EDIL3: variants seen among roughly 807,000 people sequenced by gnomAD.
The protein encoded by EDIL3 is EGF like and discoidin domains 3, also known as EGF-like repeat and discoidin I-like domain-containing protein 3.
A neutral mutation model predicts 67.4 loss-of-function variants in EDIL3; 37 were observed. That is an observed-to-expected ratio of 0.55 (90% confidence interval 0.42 to 0.72). The LOEUF (loss-of-function observed/expected upper bound fraction) is 0.72. EDIL3 is among the 30% of genes least tolerant of loss of function. The probability of loss-of-function intolerance (pLI) is 0.00; values close to 1 mark genes in which losing one functional copy is unlikely to be tolerated. For missense variants in EDIL3, 527 were observed against 586.3 expected, an observed-to-expected ratio of 0.90 and a Z score of 1.04; for synonymous variants, 195 against 196.3, an observed-to-expected ratio of 0.99 and a Z score of 0.05.
At chr5:83,984,159 G>A (rs1745020277) in intron 9 of EDIL3, among the ~76,000 whole-genome samples, 1 of 152,014 alleles carries the variant, frequency 6.6e-6, no homozygotes, top group Non-Finnish European at 1.5e-5. Flanking sequence ...GGACCCAAGA[G>A]TGAAAAAAGT....
chr5:84,265,500 G>A (rs1745328474), intron 1 of EDIL3, among the ~76,000 whole-genome samples: 1 of 152,140 alleles, frequency 6.6e-6, no homozygotes, highest in Non-Finnish European at 1.5e-5. Flanking sequence ...TAAAAGTCAG[G>A]TTTAGATCTT....
intron 2 of EDIL3, among the ~76,000 whole-genome samples, chr5:84,238,873 A>G (rs1561231307): frequency 6.6e-6 from 1 of 152,118 alleles, no homozygotes. Flanking sequence ...AGGCAATGAA[A>G]ATTGAATAAA....
At chr5:84,114,148 GTTTT>G (rs918208407) in intron 5 of EDIL3, among the ~76,000 whole-genome samples, 19 of 109,848 alleles carry the variant, frequency 1.7e-4, no homozygotes, top group Admixed American at 1.4e-3. Flanking sequence ...GAACCCTAAA[GTTTT>G]TTTTTTTTTT....
At chr5:84,122,758 C>A (rs1024277880) in intron 5 of EDIL3, among the ~76,000 whole-genome samples, 5 of 151,906 alleles carry the variant, frequency 3.3e-5, no homozygotes, top group African/African-American at 1.2e-4. Context: ...GGACAGTGAT[C>A]TAACTCACTT....
At chr5:84,338,123 T>C (rs1747026473) in intron 1 of EDIL3, among the ~76,000 whole-genome samples, 1 of 152,124 alleles carries the variant, frequency 6.6e-6, no homozygotes, top group African/African-American at 2.4e-5. Context: ...CTAATACTAA[T>C]ACTCTTTACT....
intron 9 of EDIL3, among the ~76,000 whole-genome samples, chr5:83,994,986 G>T (rs1416279719): frequency 2.0e-5 from 3 of 152,008 alleles, no homozygotes; most frequent in Non-Finnish European, 2.9e-5. Flanking sequence ...AAATACATAT[G>T]TGTGTAGTGT....
chr5:84,353,501 T>C (rs902977172), intron 1 of EDIL3, among the ~76,000 whole-genome samples: 4 of 152,204 alleles, frequency 2.6e-5, no homozygotes, highest in African/African-American at 7.2e-5. Flanking sequence ...CTACCAAAGA[T>C]ATCTATGGTA....
At chr5:84,270,182 AT>A in intron 1 of EDIL3, among the ~76,000 whole-genome samples, 1 of 152,300 alleles carries the variant, frequency 6.6e-6, no homozygotes, top group East Asian at 1.9e-4. Context: ...AAAAAATTTA[AT>A]TTAAAAACTC....
intron 6 of EDIL3, among the ~76,000 whole-genome samples, chr5:84,087,088 T>C (rs927901013): frequency 6.6e-6 from 1 of 152,206 alleles, no homozygotes; most frequent in African/African-American, 2.4e-5. Context: ...GGTTGGGAAA[T>C]ATATTTAGCT....
intron 4 of EDIL3, among the ~76,000 whole-genome samples, chr5:84,146,130 G>C (rs1748286902): frequency 6.6e-6 from 1 of 152,016 alleles, no homozygotes; most frequent in Non-Finnish European, 1.5e-5. Flanking sequence ...GCAGTTAATG[G>C]ATAACAATTA....
Position 84,079,517 on chromosome 5 carries a change from GA to G in EDIL3, c.652-12912del. Among the ~76,000 whole-genome samples the G allele has an allele frequency of 2.0e-5, 3 of 152,176 alleles. 1 individual carries two copies. Among genetic ancestry groups the G allele is most frequent in the Middle Eastern group, 3.4e-3 (1 of 294 alleles). ...GGGGAGAATCACCGTTTTGTGACCA[GA>G]AGTAAAGTGTTAAGTGAAAGAGTAG... On this transcript the variant is annotated intron_variant, in intron 6 of 10. Transcript: ENST00000296591.
In EDIL3 at chr5:84,106,830, T is replaced by G. The variant is rs555162324; in HGVS notation, c.470A>C (p.Lys157Thr). ...TTCAATTCCCAGTGGGCCTGAGCAT[T>G]CTGGAAACAAAAACAGGAAAAAATA... ...GEFMGRNCQY[K>T]CSGPLGIEGG... The change falls in exon 6 of 11, where the codon AAA becomes ACA. Residue 157 changes from lysine to threonine, a missense_variant and splice_region_variant. By Grantham distance (78) the Lys-to-Thr change is moderately conservative (BLOSUM62 -1). This residue lies in a region of EDIL3 where 494 missense variants were observed against 522.5 expected (regional missense o/e 0.95). Transcript: ENST00000296591. The G allele has an allele frequency of 6.9e-6, 11 of 1,591,702 alleles. No individual in the cohort carries two copies. In the African/African-American group the frequency reaches 9.5e-5, roughly 14 times the overall value.
chr5:84,042,800 A>G (rs1296097871), intron 9 of EDIL3, among the ~76,000 whole-genome samples: 1 of 152,198 alleles, frequency 6.6e-6, no homozygotes, highest in East Asian at 1.9e-4. Context: ...CAGAGTTCCT[A>G]TTACTCAACA....
intron 5 of EDIL3, among the ~76,000 whole-genome samples, chr5:84,124,113 A>C (rs1239495023): frequency 6.6e-6 from 1 of 151,926 alleles, no homozygotes; most frequent in Admixed American, 6.6e-5. Context: ...TGCCCAACTT[A>C]TCCAGGTATG....
At chr5:84,027,261 T>C (rs896122479) in intron 9 of EDIL3, among the ~76,000 whole-genome samples, 1 of 152,214 alleles carries the variant, frequency 6.6e-6, no homozygotes, top group Non-Finnish European at 1.5e-5. Flanking sequence ...GTTAAAATAC[T>C]ACTGAAGTAT....
intron 6 of EDIL3, among the ~76,000 whole-genome samples, chr5:84,088,289 T>C (rs1302896327): frequency 2.0e-5 from 3 of 152,224 alleles, no homozygotes; most frequent in African/African-American, 7.2e-5. Flanking sequence ...TCAAAATTTA[T>C]GTACATCTTT....
At chr5:84,197,898 C>A (rs994584314) in intron 3 of EDIL3, among the ~76,000 whole-genome samples, 1 of 151,916 alleles carries the variant, frequency 6.6e-6, no homozygotes, top group Admixed American at 6.6e-5. Context: ...CTATTGAATA[C>A]ATATAAACTA....
chr5:84,232,319 C>T (rs547828515), intron 2 of EDIL3, among the ~76,000 whole-genome samples: 36 of 152,260 alleles, frequency 2.4e-4, no homozygotes, highest in African/African-American at 8.4e-4. Context: ...GAAGCTTCTC[C>T]ATTTCCCTTA....
intron 4 of EDIL3, among the ~76,000 whole-genome samples, chr5:84,173,757 G>A (rs776514784): frequency 7.2e-5 from 11 of 152,224 alleles, no homozygotes; most frequent in Admixed American, 3.9e-4. Flanking sequence ...TCAGCTGGGT[G>A]AGTGTTGCTG....
Sources: gnomAD v4.1 joint callset for allele counts (sites outside exome capture counted in the v4.1 genomes callset) on GRCh38, gnomAD v4.1.1 for gene constraint, gnomAD v4.1.1 regional missense constraint, MANE v1.5 for transcripts, NCBI Gene and HGNC (gene_info 2026-07-23, HGNC 2026-07-21) for gene names.